IL1RAPL1: variants seen among roughly 807,000 people sequenced by gnomAD.
IL1RAPL1 encodes interleukin-1 receptor accessory protein-like 1.
Under a neutral mutation model 48.4 loss-of-function variants are expected in IL1RAPL1, and 3 were observed. The ratio of observed to expected loss-of-function variants is 0.06; its 90% CI spans 0.03 to 0.16. The LOEUF (loss-of-function observed/expected upper bound fraction) is 0.16, where lower values mean the gene tolerates loss of function less well. IL1RAPL1 is among the 10% of genes least tolerant of loss of function. IL1RAPL1 has a pLI of 1.00. For synonymous variants in IL1RAPL1, 185 were observed against 187.7 expected, an observed-to-expected ratio of 0.99 and a Z score of 0.12; for missense variants, 349 against 530.6, an observed-to-expected ratio of 0.66 and a Z score of 3.36.
At chrX:29,868,282 G>A (rs777107303) in intron 6 of IL1RAPL1, among the ~76,000 whole-genome samples, 5 of 112,226 alleles carry the variant, frequency 4.5e-5, no homozygotes, top group Non-Finnish European at 7.5e-5. Flanking sequence ...AATTCTCGAC[G>A]TTAAGCGTCT....
intron 3 of IL1RAPL1, among the ~76,000 whole-genome samples, chrX:29,362,609 A>G (rs888151776): frequency 9.0e-6 from 1 of 111,713 alleles, no homozygotes; most frequent in Admixed American, 9.5e-5. Flanking sequence ...TTGATTCCCA[A>G]TTCTGAGGGT....
chrX:29,019,356 T>C (rs1344563559), intron 2 of IL1RAPL1, among the ~76,000 whole-genome samples: 1 of 111,939 alleles, frequency 8.9e-6, no homozygotes, highest in African/African-American at 3.3e-5. Context: ...ACATTTTGAA[T>C]ATATTCAAAA....
intron 2 of IL1RAPL1, among the ~76,000 whole-genome samples, chrX:29,055,955 A>T (rs184370811): frequency 1.3e-4 from 15 of 112,056 alleles, no homozygotes; most frequent in African/African-American, 4.9e-4. Flanking sequence ...TCACTTGAGT[A>T]ATTAATCGAG....
chrX:29,082,311 T>G (rs1927861163), intron 2 of IL1RAPL1, among the ~76,000 whole-genome samples: 1 of 112,357 alleles, frequency 8.9e-6, no homozygotes, highest in Non-Finnish European at 1.9e-5. Context: ...TGTTGGCTAG[T>G]CATAATGTTC....
chrX:28,648,172 G>A (rs970779426), intron 1 of IL1RAPL1, among the ~76,000 whole-genome samples: 1 of 110,850 alleles, frequency 9.0e-6, no homozygotes, highest in African/African-American at 3.3e-5. Context: ...ATCATTTGAA[G>A]TCTCCCACAA....
At position 28,712,477 on chromosome X, in the gene IL1RAPL1, T is replaced by G. The variant is rs775379675; in HGVS notation, c.-24-76843T>G. On this transcript the variant is annotated intron_variant, in intron 1 of 10. Coordinates refer to ENST00000378993, the MANE Select transcript of IL1RAPL1 (RefSeq NM_014271.4). ...AGAAATTAACTTTTTTTGTTTGTATTTTAGCAAAAACAAACAGCAAGTTGT... is the reference window on the plus strand; with the variant it reads ...AGAAATTAACTTTTTTTGTTTGTATGTTAGCAAAAACAAACAGCAAGTTGT... Among the ~76,000 whole-genome samples, 5 of 111,516 alleles carry G rather than the reference T, an allele frequency of 4.5e-5. No individual in the cohort carries two copies. The East Asian group carries it at 1.4e-3, about 31-fold the overall frequency.
intron 5 of IL1RAPL1, among the ~76,000 whole-genome samples, chrX:29,441,092 C>T (rs1934542496): frequency 9.0e-6 from 1 of 110,686 alleles, no homozygotes; most frequent in South Asian, 3.9e-4. Context: ...ACAACTTTAA[C>T]AATGACCCTG....
chrX:29,930,030 A>G (rs1451789295), intron 8 of IL1RAPL1, among the ~76,000 whole-genome samples: 1 of 112,307 alleles, frequency 8.9e-6, no homozygotes, highest in Non-Finnish European at 1.9e-5. Context: ...AAAAGTTGGC[A>G]GTATTAAAAT....
intron 1 of IL1RAPL1, among the ~76,000 whole-genome samples, chrX:28,676,590 G>T (rs1461643566): frequency 9.1e-6 from 1 of 110,258 alleles, no homozygotes; most frequent in Non-Finnish European, 1.9e-5. Context: ...AAAGTTAACT[G>T]GGCATGGTGG....
At chrX:28,726,930 C>A (rs1935683828) in intron 1 of IL1RAPL1, among the ~76,000 whole-genome samples, 1 of 111,957 alleles carries the variant, frequency 8.9e-6, no homozygotes, top group Non-Finnish European at 1.9e-5. Context: ...TGGCTCAACT[C>A]CTTTGTGAAC....
At chrX:29,630,421 GT>G (rs1032560083) in intron 5 of IL1RAPL1, among the ~76,000 whole-genome samples, 6 of 111,741 alleles carry the variant, frequency 5.4e-5, no homozygotes, top group African/African-American at 2.0e-4. Context: ...GAAGGACTTC[GT>G]TGCTGTAGAT....
chrX:29,633,560 G>T (rs1010955683), intron 5 of IL1RAPL1, among the ~76,000 whole-genome samples: 8 of 109,887 alleles, frequency 7.3e-5, no homozygotes, highest in African/African-American at 2.7e-4. Flanking sequence ...GTTTCCCAGG[G>T]CTGCTGTAAC....
intron 6 of IL1RAPL1, among the ~76,000 whole-genome samples, chrX:29,882,442 T>C (rs1247342683): frequency 8.9e-6 from 1 of 112,039 alleles, no homozygotes; most frequent in African/African-American, 3.2e-5. Context: ...ACTGGAATAA[T>C]ACTAGTACTG....
intron 2 of IL1RAPL1, among the ~76,000 whole-genome samples, chrX:29,237,886 T>A (rs927488405): frequency 8.9e-6 from 1 of 112,371 alleles, no homozygotes; most frequent in Admixed American, 9.4e-5. Context: ...CATGCTTTTT[T>A]AATTGCATAA....
Position 28,891,735 on chromosome X carries a change from C to T in IL1RAPL1, c.82+102310C>T, listed in dbSNP as rs181232505. ...TTATTATGAATAATACTGCTATGAA[C>T]GTTCACTTGCAAGTTTTTGTGTGGA... On this transcript the variant is annotated intron_variant, in intron 2 of 10. Coordinates refer to ENST00000378993, the MANE Select transcript of IL1RAPL1 (RefSeq NM_014271.4). 4.5e-5 allele frequency among the ~76,000 whole-genome samples: 5 copies of T among 111,580 alleles called. No individual in the cohort carries two copies. The East Asian group carries it at 8.5e-4, about 19-fold the overall frequency.
chrX:29,258,463 T>G (rs1931794476), intron 2 of IL1RAPL1, among the ~76,000 whole-genome samples: 1 of 111,489 alleles, frequency 9.0e-6, no homozygotes, highest in African/African-American at 3.2e-5. Context: ...ACCATTTGTT[T>G]TATACGACAT....
chrX:29,332,488 G>C (rs1216621258), intron 3 of IL1RAPL1, among the ~76,000 whole-genome samples: 1 of 96,830 alleles, frequency 1.0e-5, no homozygotes, highest in Non-Finnish European at 2.0e-5. Flanking sequence ...AATGTGCTGA[G>C]TTTAACTCAC....
chrX:29,850,059 C>T (rs1931331575), intron 6 of IL1RAPL1, among the ~76,000 whole-genome samples: 1 of 111,489 alleles, frequency 9.0e-6, no homozygotes, highest in East Asian at 2.8e-4. Context: ...AAGAGTGAAC[C>T]CGATGCACTG....
rs150447114 is a variant in IL1RAPL1, at chrX:29,256,675, G to A, written c.83-26263G>A. Among the ~76,000 whole-genome samples the A allele has an allele frequency of 8.1e-3, 899 of 111,258 alleles. 10 individuals are homozygous for A. The highest frequency in any genetic ancestry group is 0.028 in the African/African-American group (846 of 30,711). ...TCACATTTATCCAAGGGTAGCTTCC[G>A]AGATCACCGTCAGTTTCACAGGACC... On this transcript the variant is annotated intron_variant, in intron 2 of 10. Coordinates refer to ENST00000378993, the MANE Select transcript of IL1RAPL1 (RefSeq NM_014271.4).
Sources: gnomAD v4.1 joint callset for allele counts (sites outside exome capture counted in the v4.1 genomes callset) on GRCh38, gnomAD v4.1.1 for gene constraint, MANE v1.5 for transcripts, NCBI Gene and HGNC (gene_info 2026-07-23, HGNC 2026-07-21) for gene names.